The following GABRA5 variants were observed in gnomAD, a reference collection of about 807,000 sequenced individuals.
The protein encoded by GABRA5 is gamma-aminobutyric acid receptor subunit alpha-5.
GABRA5 carries 18 observed loss-of-function variants against 47.3 expected under a neutral mutation model. The ratio of observed to expected loss-of-function variants is 0.38; its 90% CI spans 0.26 to 0.56. The LOEUF (loss-of-function observed/expected upper bound fraction) is 0.56, where lower values mean the gene tolerates loss of function less well. Among genes scored for constraint, GABRA5 ranks in the 20% least tolerant of loss-of-function variants. The pLI is 0.71. For missense variants in GABRA5, 365 were observed against 599.3 expected (o/e 0.61, Z 4.08); for synonymous variants, 237 against 229.3 (o/e 1.03, Z -0.30).
intron 7 of GABRA5, among the ~76,000 whole-genome samples, chr15:26,916,298 CTT>C (rs1893716263): frequency 6.6e-6 from 1 of 152,102 alleles, no homozygotes; most frequent in African/African-American, 2.4e-5. Flanking sequence ...TTCCTTTCCT[CTT>C]TAAAAAGAAA....
At chr15:26,892,309 G>A (rs780537445) in intron 6 of GABRA5, among the ~76,000 whole-genome samples, 8 of 152,232 alleles carry the variant, frequency 5.3e-5, no homozygotes, top group Non-Finnish European at 1.2e-4. Context: ...TGTGAACGGT[G>A]GCTTCCGCGC....
chr15:26,869,993 G>A (rs920358837), intron 3 of GABRA5, among the ~76,000 whole-genome samples: 2 of 152,178 alleles, frequency 1.3e-5, no homozygotes, highest in African/African-American at 2.4e-5. Flanking sequence ...AACCCACATC[G>A]TGGATGAATG....
rs140736636 is a variant in GABRA5, at chr15:26,902,263, T to C, written c.498-12540T>C. 1.6e-3 allele frequency among the ~76,000 whole-genome samples: 238 copies of C among 152,244 alleles called. No individual in the cohort carries two copies. In the East Asian group the frequency reaches 0.034, roughly 22 times the overall value. The stretch of plus-strand genomic sequence containing the variant: ...ACTGAAATCTTGACAATATTGAGTA[T>C]TCCTATGAATGAACATGGAATTTAT... On this transcript the variant is annotated intron_variant, in intron 6 of 10. Transcript: ENST00000335625.
In GABRA5 at chr15:26,880,826, C is replaced by T; in HGVS notation, c.87-20C>T. On this transcript the variant is annotated intron_variant, in intron 3 of 10. Coordinates refer to ENST00000335625, the MANE Select transcript of GABRA5 (RefSeq NM_000810.4). ...GAAATAATATGTTTTAACGCTTCCTCTTGTTTCTCTTTTTAAAAGCTTTTC... is the reference window on the plus strand; with the variant it reads ...GAAATAATATGTTTTAACGCTTCCTTTTGTTTCTCTTTTTAAAAGCTTTTC... 6.2e-7 allele frequency: 1 copy of T among 1,612,032 alleles called. No individual in the cohort carries two copies. The highest frequency in any genetic ancestry group is 8.5e-7 in the Non-Finnish European group (1 of 1,179,068).
chr15:26,892,738 G>A (rs1419505209), intron 6 of GABRA5, among the ~76,000 whole-genome samples: 1 of 152,214 alleles, frequency 6.6e-6, no homozygotes, highest in Non-Finnish European at 1.5e-5. Context: ...GTTACTTTCC[G>A]TTAGCATTCA....
In GABRA5 at chr15:26,914,839, G is replaced by C. The variant is rs760771293; in HGVS notation, c.534G>C (p.Glu178Asp). The C allele has an allele frequency of 7.4e-6, 12 of 1,614,026 alleles. No homozygotes were observed. Among genetic ancestry groups the C allele is most frequent in the Non-Finnish European group, 1.0e-5 (12 of 1,179,904 alleles). The change falls in exon 7 of 11, where the codon GAG (glutamate) becomes GAC (aspartate). Residue 178 changes from glutamate to aspartate, a missense_variant. Glu to Asp is a conservative substitution (Grantham distance 45). Around this residue, in one of 3 missense-constraint regions of GABRA5, gnomAD observed 216 missense variants for 335.3 expected, o/e 0.64. Transcript: ENST00000335625. The part of the protein sequence containing the change: ...TISAECPMQL[E>D]DFPMDAHACP... ...CTGCAGAGTGCCCCATGCAGCTTGA[G>C]GACTTCCCGATGGATGCGCACGCTT...
intron 7 of GABRA5, among the ~76,000 whole-genome samples, chr15:26,933,910 G>T (rs1482870859): frequency 6.6e-6 from 1 of 152,166 alleles, no homozygotes; most frequent in Non-Finnish European, 1.5e-5. Flanking sequence ...TGCTGACCTG[G>T]TGTTCAGCTC....
At chr15:26,879,705 C>A (rs1025577832) in intron 3 of GABRA5, among the ~76,000 whole-genome samples, 1 of 152,170 alleles carries the variant, frequency 6.6e-6, no homozygotes, top group Non-Finnish European at 1.5e-5. Flanking sequence ...TGGAGCAGGC[C>A]TGCATCGATT....
At chr15:26,924,227 AGGGT>A (rs1893905461) in intron 7 of GABRA5, among the ~76,000 whole-genome samples, 1 of 144,288 alleles carries the variant, frequency 6.9e-6, no homozygotes, top group Non-Finnish European at 1.5e-5. Flanking sequence ...CCACTGGGTC[AGGGT>A]AGAAATCAGG....
intron 8 of GABRA5, chr15:26,939,425 G>A (rs1238131626): frequency 3.9e-6 from 3 of 764,968 alleles, no homozygotes; most frequent in Non-Finnish European, 2.4e-6. Flanking sequence ...AGAGCCTCCT[G>A]AGCTGCTGCA....
intron 8 of GABRA5, 107 bp downstream of exon 8, chr15:26,937,435 A>T: frequency 1.5e-5 from 18 of 1,172,272 alleles, no homozygotes; most frequent in Non-Finnish European, 1.9e-5. Context: ...GGGAGGCCGC[A>T]CAGCAGCCTC....
intron 6 of GABRA5, among the ~76,000 whole-genome samples, chr15:26,901,142 G>A (rs1410426130): frequency 6.6e-6 from 1 of 152,166 alleles, no homozygotes; most frequent in Non-Finnish European, 1.5e-5. Context: ...AGGCTTTTGT[G>A]TAGGCATAAG....
In GABRA5 at chr15:26,883,283, GC is replaced by G. The variant is rs745757963; in HGVS notation, c.277-49del. The G allele has an allele frequency of 5.6e-6, 9 of 1,611,022 alleles. 1 individual carries two copies. The South Asian group carries it at 8.8e-5, about 16-fold the overall frequency. ...AGACAATTCTTACTCCGCGCCGCAG[GC>G]CCCCGCCCAGGCCCCGTGCCCTCTG... is the stretch of plus-strand genomic sequence containing the variant. On this transcript the variant is annotated intron_variant, in intron 5 of 10. Transcript: ENST00000335625. This position sits in a 1 kb window ranked among gnomAD's most constrained non-coding sequence, Gnocchi z 4.8.
rs774509374 is a variant in GABRA5 at position 26,915,841 on chromosome 15, C to T, written c.580+956C>T. The stretch of plus-strand genomic sequence containing the variant: ...AGTAACTGTGGGCAAGTTAATTAGA[C>T]TCTCTGAGCCTCTTTCCTCATTTGT... On this transcript the variant is annotated intron_variant, in intron 7 of 10. Coordinates refer to ENST00000335625, the MANE Select transcript of GABRA5 (RefSeq NM_000810.4). 3.3e-5 allele frequency among the ~76,000 whole-genome samples: 5 copies of T among 152,184 alleles called. No homozygotes were observed. The South Asian group carries it at 8.3e-4, about 25-fold the overall frequency.
At chr15:26,936,926 C>T (rs774234342) in intron 7 of GABRA5, among the ~76,000 whole-genome samples, 3 of 152,168 alleles carry the variant, frequency 2.0e-5, no homozygotes, top group Non-Finnish European at 4.4e-5. Flanking sequence ...CCTGCACCAT[C>T]GTGCGCTCTG....
intron 7 of GABRA5, among the ~76,000 whole-genome samples, chr15:26,922,020 T>C (rs1325972458): frequency 6.6e-6 from 1 of 152,130 alleles, no homozygotes; most frequent in Non-Finnish European, 1.5e-5. Context: ...ATGGCCTACT[T>C]GATATTTATT....
At chr15:26,872,484 G>A (rs1031919171) in intron 3 of GABRA5, among the ~76,000 whole-genome samples, 1 of 152,310 alleles carries the variant, frequency 6.6e-6, no homozygotes, top group African/African-American at 2.4e-5. Context: ...GTCTAGACAA[G>A]AGGGAACGTA....
At position 26,941,755 on chromosome 15, in the gene GABRA5, G is replaced by A. The variant is rs562716852; in HGVS notation, c.878-1460G>A. Among the ~76,000 whole-genome samples, 294 of 152,222 alleles carry A rather than the reference G, an allele frequency of 1.9e-3. 1 individual carries two copies. The highest frequency in any genetic ancestry group is 3.2e-3 in the Non-Finnish European group (217 of 68,010). ...TTCCTGGCCTGTCTCCTGGCCTCTG[G>A]TAGCTCTTTAGCTCATGGCAGCATC... On this transcript the variant is annotated intron_variant, in intron 9 of 10. Transcript: ENST00000335625.
chr15:26,911,371 G>GCACACACACACACACACACA (rs111798012), intron 6 of GABRA5, among the ~76,000 whole-genome samples: 12 of 118,406 alleles, frequency 1.0e-4, no homozygotes, highest in South Asian at 2.8e-4. Context: ...CTTGCTGCAT[G>GCACACACACACACACACACA]CACACACACA....
Sources: allele counts gnomAD v4.1 joint callset (sites outside exome capture counted in the v4.1 genomes callset), GRCh38; gene constraint gnomAD v4.1.1; regional missense constraint gnomAD v4.1.1; non-coding constraint Gnocchi (gnomAD v3.1); transcripts MANE v1.5; gene names NCBI Gene and HGNC (gene_info 2026-07-23, HGNC 2026-07-21).